Variants in MAP3K15 observed in about 807,000 individuals in gnomAD.
MAP3K15 encodes the protein MAPK/ERK kinase kinase 15.
Under a neutral mutation model 99.5 loss-of-function variants are expected in MAP3K15, and 124 were observed. The observed-to-expected ratio is 1.25, with a 90% CI of 1.08 to 1.45. The LOEUF is 1.45. Ranked by LOEUF, MAP3K15 falls within the 40% of genes most tolerant of loss-of-function variation. The pLI is 0.00. For synonymous variants in MAP3K15, 494 were observed against 439.6 expected (o/e 1.12, Z -1.55); for missense variants, 1,242 against 1,079.7 (o/e 1.15, Z -2.11).
chrX:19,374,123 C>A (rs1434362770), intron 20 of MAP3K15, among the ~76,000 whole-genome samples: 1 of 110,980 alleles, frequency 9.0e-6, no homozygotes, highest in Non-Finnish European at 1.9e-5. Context: ...AGCCAGGCTC[C>A]AAAACTGAAG....
chrX:19,494,318 G>A (rs1265782145), intron 1 of MAP3K15, among the ~76,000 whole-genome samples: 1 of 111,070 alleles, frequency 9.0e-6, no homozygotes, highest in Non-Finnish European at 1.9e-5. Context: ...GAGAGGAGGA[G>A]GGAGAGAGAT....
intron 22 of MAP3K15, 72 bp downstream of exon 22, chrX:19,372,581 T>C: frequency 2.9e-6 from 3 of 1,032,420 alleles, no homozygotes; most frequent in Non-Finnish European, 3.9e-6. Context: ...GAGGTCCTGA[T>C]TGGACCTGTC....
intron 16 of MAP3K15, among the ~76,000 whole-genome samples, chrX:19,393,755 TGG>T (rs2063544178): frequency 1.0e-5 from 1 of 99,221 alleles, no homozygotes; most frequent in Non-Finnish European, 2.0e-5. Context: ...GCCCACTGCC[TGG>T]CTCTTTTTTT....
intron 7 of MAP3K15, among the ~76,000 whole-genome samples, chrX:19,429,688 T>A (rs1287584951): frequency 9.7e-6 from 1 of 103,101 alleles, no homozygotes; most frequent in African/African-American, 3.5e-5. Flanking sequence ...TGAGAGTGGC[T>A]GGGATTGTCA....
At chrX:19,452,383 GAAAAGAGAAAAGAAA>G (rs2064059805) in intron 6 of MAP3K15, among the ~76,000 whole-genome samples, 3 of 26,988 alleles carry the variant, frequency 1.1e-4, no homozygotes, top group Middle Eastern at 0.014. Context: ...AGAGAGAAAA[GAAAAGAGAAAAGAAA>G]AGAAAAGAAA....
At chrX:19,370,923 C>T (rs2063369966) in intron 24 of MAP3K15, 36 bp downstream of exon 24, 1 of 1,021,088 alleles carries the variant, frequency 9.8e-7, no homozygotes, top group Admixed American at 2.3e-5. Context: ...CTTTTCACGG[C>T]CTAAAGCTGA....
chrX:19,419,291 C>G (rs1372547892), intron 9 of MAP3K15, among the ~76,000 whole-genome samples: 1 of 110,678 alleles, frequency 9.0e-6, no homozygotes, highest in Non-Finnish European at 1.9e-5. Context: ...ATTCAGGAAA[C>G]CCATCTCACG....
chrX:19,380,026 A>C, intron 19 of MAP3K15, 94 bp downstream of exon 19: 1 of 937,768 alleles, frequency 1.1e-6, no homozygotes, highest in Non-Finnish European at 1.4e-6. Flanking sequence ...CTTCTCTCCT[A>C]CCTTTGTGGA....
At chrX:19,477,535 C>T in intron 3 of MAP3K15, among the ~76,000 whole-genome samples, 2 of 106,883 alleles carry the variant, frequency 1.9e-5, no homozygotes, top group African/African-American at 3.4e-5. Flanking sequence ...CAGGGTTAAA[C>T]CCCATCTCTA....
At chrX:19,490,138 TATAC>T (rs1206386441) in intron 1 of MAP3K15, among the ~76,000 whole-genome samples, 2 of 84,235 alleles carry the variant, frequency 2.4e-5, no homozygotes, top group Admixed American at 2.4e-4. Context: ...GTATAGGCAT[TATAC>T]ACACACACAC....
At chrX:19,436,246 ATGC>A (rs1032960036) in intron 6 of MAP3K15, among the ~76,000 whole-genome samples, 2 of 110,846 alleles carry the variant, frequency 1.8e-5, no homozygotes, top group African/African-American at 6.6e-5. Flanking sequence ...AGTGCTTCTC[ATGC>A]TGGACTTTCT....
At chrX:19,381,265 G>A (rs986796864) in intron 18 of MAP3K15, among the ~76,000 whole-genome samples, 1 of 111,919 alleles carries the variant, frequency 8.9e-6, no homozygotes, top group African/African-American at 3.2e-5. Flanking sequence ...AGCAGGGTGG[G>A]CAGGGCCGGC....
chrX:19,403,793 C>T (rs776826377), intron 13 of MAP3K15, among the ~76,000 whole-genome samples: 1 of 110,648 alleles, frequency 9.0e-6, no homozygotes, highest in Non-Finnish European at 1.9e-5. Flanking sequence ...TATGTTGTGA[C>T]AATGATTGTC....
At chrX:19,476,155 C>T (rs756138031) in intron 3 of MAP3K15, among the ~76,000 whole-genome samples, 153 of 112,174 alleles carry the variant, frequency 1.4e-3, no homozygotes, top group Non-Finnish European at 2.3e-3. Flanking sequence ...ATGATACAAA[C>T]ATTTAATCAG....
rs73455608 is a variant in MAP3K15 at position 19,406,300 on chromosome X, T to C, written c.1844+888A>G. On this transcript the variant is annotated intron_variant, in intron 13 of 28. Coordinates refer to ENST00000338883, the MANE Select transcript of MAP3K15 (RefSeq NM_001001671.4). ...ATGTTCAGGGAAGTACAATTCATAA[T>C]TGTCAAAAAGTGCAAACAATCCAAA... 2.1e-3 allele frequency among the ~76,000 whole-genome samples: 235 copies of C among 112,745 alleles called. 1 individual carries two copies. The highest frequency in any genetic ancestry group is 6.7e-3 in the African/African-American group (208 of 31,094).
chrX:19,376,570 T>C (rs1413509051), intron 19 of MAP3K15, among the ~76,000 whole-genome samples: 1 of 110,846 alleles, frequency 9.0e-6, no homozygotes, highest in African/African-American at 3.3e-5. Flanking sequence ...TTCAGGTTCC[T>C]GAGTAGCTGG....
intron 6 of MAP3K15, among the ~76,000 whole-genome samples, chrX:19,444,814 C>G (rs1425931008): frequency 1.8e-5 from 2 of 111,647 alleles, no homozygotes; most frequent in Non-Finnish European, 3.8e-5. Flanking sequence ...TCAACTCCCA[C>G]AAGGGCAGTA....
At chrX:19,463,565 T>C (rs908215965) in intron 4 of MAP3K15, among the ~76,000 whole-genome samples, 1 of 112,279 alleles carries the variant, frequency 8.9e-6, no homozygotes. Context: ...AATAATAACA[T>C]CTGAAGGTAT....
rs777682163 is a variant in MAP3K15, at chrX:19,361,181, T to TGGCTTTCAGTTTCTGCCC, written c.3857+140_3857+157dup. The stretch of plus-strand genomic sequence containing the variant: ...CACATTCCTATTTCTGACTTCTGCC[T>TGGCTTTCAGTTTCTGCCC]GGCTTTCAGTTTCTGCCCCACCTTG... On this transcript the variant is annotated intron_variant, in intron 28 of 28. Coordinates refer to ENST00000338883, the MANE Select transcript of MAP3K15 (RefSeq NM_001001671.4). The TGGCTTTCAGTTTCTGCCC allele has an allele frequency of 1.0e-4, 46 of 452,554 alleles. 1 individual carries two copies. In the East Asian group the frequency reaches 1.8e-3, roughly 17 times the overall value. The allele number at this position is 452,554 out of a possible 1,213,427, so 37.3% of individuals were successfully genotyped here. A position where few individuals can be genotyped will look rare whatever the true frequency, so the allele number is the denominator to read the frequency against.
Sources: allele counts gnomAD v4.1 joint callset (sites outside exome capture counted in the v4.1 genomes callset), GRCh38; gene constraint gnomAD v4.1.1; transcripts MANE v1.5; gene names NCBI Gene and HGNC (gene_info 2026-07-23, HGNC 2026-07-21).